The following SMN2 variants were observed in gnomAD, a reference collection of about 807,000 sequenced individuals.
SMN2 encodes survival motor neuron protein.
Under a neutral mutation model 2.8 loss-of-function variants are expected in SMN2, and 1 was observed. The ratio of observed to expected loss-of-function variants is 0.35; its 90% CI spans 0.13 to 1.68. The LOEUF (loss-of-function observed/expected upper bound fraction) is 1.68. Among genes scored for constraint, SMN2 ranks in the 40% most tolerant of loss-of-function variants. SMN2 has a pLI of 0.35. For synonymous variants in SMN2, 5 were observed against 5.0 expected (o/e 0.99, Z 0.01); for missense variants, 12 against 16.9 (o/e 0.71, Z 0.51).
At chr5:70,083,278 A>G (rs1003900061), downstream of SMN2, among the ~76,000 whole-genome samples, 1 of 120,974 alleles carries the variant, frequency 8.3e-6, no homozygotes, top group Non-Finnish European at 1.6e-5. Flanking sequence ...CTTTACTTCC[A>G]ACTATGTGGT....
intron 7 of SMN2, among the ~76,000 whole-genome samples, chr5:70,075,630 AG>A (rs1774727593): frequency 8.3e-6 from 1 of 119,920 alleles, no homozygotes; most frequent in Non-Finnish European, 1.8e-5. Flanking sequence ...AAGGCATTAC[AG>A]GCATGAGCCA....
chr5:70,074,685 T>C lies in SMN2; in HGVS notation c.835-1836T>C, dbSNP rs1302512329. ...GGTATAAGCGGGCTCAGGAACATCA[T>C]TGGACATACTGAAAGAAGAAAAATC... On this transcript the variant is annotated intron_variant, in intron 7 of 8. Transcript: ENST00000380743. 5.9e-5 allele frequency among the ~76,000 whole-genome samples: 7 copies of C among 118,958 alleles called. 1 individual carries two copies. Among genetic ancestry groups the C allele is most frequent in the East Asian group, 4.8e-4 (2 of 4,174 alleles). The allele number at this position is 118,958 out of a possible 152,430, so 78.0% of individuals were successfully genotyped here.
At chr5:70,052,542 T>TAA (rs1319920885) in intron 1 of SMN2, among the ~76,000 whole-genome samples, 44 of 16,172 alleles carry the variant, frequency 2.7e-3, no homozygotes, top group South Asian at 6.2e-3. Flanking sequence ...ACTTTGTCTT[T>TAA]AAAAAAAAAA....
intron 7 of SMN2, among the ~76,000 whole-genome samples, chr5:70,074,992 CAA>C (rs567730801): frequency 8.8e-6 from 1 of 113,394 alleles, no homozygotes; most frequent in Non-Finnish European, 1.8e-5. Flanking sequence ...AACTCCGTCT[CAA>C]AAAAAAAAGG....
the SMN2 span, among the ~76,000 whole-genome samples, chr5:70,085,354 G>C: frequency 1.5e-5 from 2 of 133,990 alleles, 1 homozygote; most frequent in South Asian, 4.6e-4. Flanking sequence ...CGATTCTCCT[G>C]CCTCAGTCTT....
At chr5:70,084,756 G>C in the SMN2 span, among the ~76,000 whole-genome samples, 1 of 136,830 alleles carries the variant, frequency 7.3e-6, no homozygotes, top group Non-Finnish European at 1.5e-5. Flanking sequence ...TTAACTATTT[G>C]TTTTTATTTT....
At chr5:70,074,768 G>A (rs1379134693) in intron 7 of SMN2, among the ~76,000 whole-genome samples, 4 of 129,736 alleles carry the variant, frequency 3.1e-5, no homozygotes, top group South Asian at 2.4e-4. Context: ...CAAGGCAGGC[G>A]AATCACCTGA....
chr5:70,082,048 A>T (rs1416004419), downstream of SMN2, among the ~76,000 whole-genome samples: 11 of 135,920 alleles, frequency 8.1e-5, 1 homozygote, highest in Admixed American at 2.2e-4. Context: ...TCAGTACCTC[A>T]TTTATTGAGA....
the SMN2 span, among the ~76,000 whole-genome samples, chr5:70,083,996 A>G: frequency 1.0e-5 from 1 of 96,240 alleles, no homozygotes; most frequent in Non-Finnish European, 1.9e-5. Context: ...AAATTTAAAA[A>G]AAAGCTCTCA....
intron 7 of SMN2, among the ~76,000 whole-genome samples, chr5:70,075,934 G>A (rs1774737556): frequency 8.1e-6 from 1 of 123,426 alleles, no homozygotes; most frequent in South Asian, 2.4e-4. Context: ...GCTCACTGCA[G>A]CCTCCGCCTC....
At chr5:70,070,924 TTA>T (rs1774569058) in intron 7 of SMN2, 173 bp downstream of exon 7, 1 of 74,208 alleles carries the variant, frequency 1.3e-5, no homozygotes, top group Non-Finnish European at 2.7e-5. Context: ...AAGTATAATT[TTA>T]GTTAATTTTA....
chr5:70,083,369 T>C (rs1265087797), downstream of SMN2, among the ~76,000 whole-genome samples: 1 of 136,730 alleles, frequency 7.3e-6, no homozygotes, highest in Non-Finnish European at 1.5e-5. Context: ...GTAAACTGCT[T>C]CAACCACTGT....
intron 1 of SMN2, among the ~76,000 whole-genome samples, chr5:70,052,308 C>T (rs1457134271): frequency 1.3e-5 from 1 of 75,924 alleles, no homozygotes; most frequent in Non-Finnish European, 2.9e-5. Context: ...TTTGGGAGGC[C>T]GAGTTGGGCA....
At chr5:70,083,395 G>A (rs1375094494), downstream of SMN2, among the ~76,000 whole-genome samples, 11 of 136,548 alleles carry the variant, frequency 8.1e-5, 2 homozygotes, top group Admixed American at 2.9e-4. Flanking sequence ...TCAGTGTGGC[G>A]ATTCCTCAGG....
At chr5:70,074,731 G>A (rs1490764050) in intron 7 of SMN2, among the ~76,000 whole-genome samples, 6 of 122,430 alleles carry the variant, frequency 4.9e-5, no homozygotes, top group African/African-American at 1.3e-4. Context: ...AGTGGCTCAC[G>A]CCGGTAATCC....
downstream of SMN2, among the ~76,000 whole-genome samples, chr5:70,079,752 C>A (rs181319950): frequency 6.7e-3 from 822 of 123,058 alleles, 54 homozygotes; most frequent in African/African-American, 0.027. Context: ...GACTGAGACC[C>A]TGTCTCAAAA....
At chr5:70,076,732 T>C in intron 8 of SMN2, 158 bp downstream of exon 8, 2 of 1,216,834 alleles carry the variant, frequency 1.6e-6, no homozygotes, top group Non-Finnish European at 2.2e-6. Flanking sequence ...GCCAAAACTA[T>C]TAGATAAAAG....
chr5:70,083,357 C>G (rs1255353450), downstream of SMN2, among the ~76,000 whole-genome samples: 4 of 135,916 alleles, frequency 2.9e-5, no homozygotes, highest in South Asian at 2.3e-4. Flanking sequence ...GTGGAGAGTT[C>G]TGTAAACTGC....
At chr5:70,078,069 TTA>T (rs1774806632), downstream of SMN2, 1 of 74,966 alleles carries the variant, frequency 1.3e-5, no homozygotes, top group Non-Finnish European at 2.5e-5. Flanking sequence ...GCTTTTCACA[TTA>T]TATTATGTTT....
Sources: allele counts gnomAD v4.1 joint callset (sites outside exome capture counted in the v4.1 genomes callset), GRCh38; gene constraint gnomAD v4.1.1; transcripts MANE v1.5; gene names NCBI Gene and HGNC (gene_info 2026-07-23, HGNC 2026-07-21).